Variants in SNTB1 observed in about 807,000 individuals in gnomAD.
The protein encoded by SNTB1 is beta-1-syntrophin.
A neutral mutation model predicts 48.9 loss-of-function variants in SNTB1; 36 were observed. The observed-to-expected ratio is 0.74, with a 90% CI of 0.56 to 0.97. The LOEUF is 0.97. Ranked by LOEUF, SNTB1 falls within the 50% of genes least tolerant of loss-of-function variation. The pLI is 0.00. For missense variants in SNTB1, 786 were observed against 703.4 expected, an observed-to-expected ratio of 1.12 and a Z score of -1.33; for synonymous variants, 299 against 294.6, an observed-to-expected ratio of 1.01 and a Z score of -0.15.
chr8:120,575,952 T>C lies in SNTB1; in HGVS notation c.997-727A>G, dbSNP rs184413250. 8.7e-4 allele frequency among the ~76,000 whole-genome samples: 132 copies of C among 152,314 alleles called. 1 individual carries two copies. Among genetic ancestry groups the C allele is most frequent in the African/African-American group, 3.1e-3 (130 of 41,572 alleles). The stretch of plus-strand genomic sequence containing the variant: ...ATGAGCCATCCCCTTGGCCTGGTGT[T>C]TGCCCTTCCCAAACTTCCTATATGT... On this transcript the variant is annotated intron_variant, in intron 3 of 6. Transcript: ENST00000517992.
intron 1 of SNTB1, among the ~76,000 whole-genome samples, chr8:120,785,811 G>A (rs1465979860): frequency 1.3e-5 from 2 of 152,276 alleles, no homozygotes; most frequent in African/African-American, 4.8e-5. Flanking sequence ...CTCCTGGCTG[G>A]AAGCCAGCCA....
At chr8:120,582,948 CAG>C (rs1554646088) in intron 3 of SNTB1, among the ~76,000 whole-genome samples, 84 of 152,012 alleles carry the variant, frequency 5.5e-4, no homozygotes, top group African/African-American at 1.8e-3. Context: ...AAAAATGAAA[CAG>C]GGGACATCAC....
intron 5 of SNTB1, among the ~76,000 whole-genome samples, chr8:120,543,425 C>T (rs1054519019): frequency 3.3e-5 from 5 of 152,292 alleles, no homozygotes; most frequent in African/African-American, 1.2e-4. Context: ...ATCATTTACT[C>T]CACTCAGCTT....
At chr8:120,570,664 T>TGGTAACTTGTG (rs1018032032) in intron 4 of SNTB1, 3 of 152,412 alleles carry the variant, frequency 2.0e-5, no homozygotes, top group African/African-American at 7.2e-5. Flanking sequence ...ACGTTGTAAG[T>TGGTAACTTGTG]GGTAACTTGT....
intron 5 of SNTB1, among the ~76,000 whole-genome samples, chr8:120,545,696 G>A (rs1815369719): frequency 6.6e-6 from 1 of 152,218 alleles, no homozygotes; most frequent in Non-Finnish European, 1.5e-5. Flanking sequence ...GATCTGTACT[G>A]TCCACTGCCC....
At chr8:120,650,259 A>C (rs933937229) in intron 2 of SNTB1, among the ~76,000 whole-genome samples, 1 of 152,186 alleles carries the variant, frequency 6.6e-6, no homozygotes, top group Non-Finnish European at 1.5e-5. Context: ...TGTTAGACTT[A>C]AGATAGGAGT....
intron 1 of SNTB1, among the ~76,000 whole-genome samples, chr8:120,707,925 G>A (rs980334640): frequency 2.6e-5 from 4 of 151,912 alleles, no homozygotes; most frequent in African/African-American, 9.7e-5. Context: ...AACATACTCT[G>A]TGACAATTAC....
chr8:120,742,927 G>A (rs1315400837), intron 1 of SNTB1, among the ~76,000 whole-genome samples: 5 of 152,142 alleles, frequency 3.3e-5, no homozygotes, highest in Non-Finnish European at 4.4e-5. Flanking sequence ...CTGGGGACCA[G>A]CATAAAGCCA....
At chr8:120,652,495 G>A (rs1298506079) in intron 2 of SNTB1, among the ~76,000 whole-genome samples, 1 of 151,932 alleles carries the variant, frequency 6.6e-6, no homozygotes, top group African/African-American at 2.4e-5. Flanking sequence ...CCTTGCCATC[G>A]AGAGGGAAGG....
At chr8:120,716,102 GTCTT>G (rs1465000081) in intron 1 of SNTB1, among the ~76,000 whole-genome samples, 1 of 152,182 alleles carries the variant, frequency 6.6e-6, no homozygotes, top group Non-Finnish European at 1.5e-5. Context: ...AGAAACTCCA[GTCTT>G]TCATCCCGGT....
chr8:120,665,930 A>G (rs907646766), intron 2 of SNTB1, among the ~76,000 whole-genome samples: 5 of 152,306 alleles, frequency 3.3e-5, no homozygotes, highest in Admixed American at 2.6e-4. Flanking sequence ...CAATTCGTCT[A>G]TCTTATTGTC....
chr8:120,786,591 G>A (rs552204820), intron 1 of SNTB1, among the ~76,000 whole-genome samples: 8 of 152,056 alleles, frequency 5.3e-5, no homozygotes, highest in Admixed American at 5.2e-4. Flanking sequence ...AGGCTTGCAT[G>A]AGAGGTAGAG....
rs1019423093 is a variant in SNTB1 at position 120,537,857 on chromosome 8, T to A, written c.*1020A>T. ...ATTTGATTATAGCATTCAGTCTATA[T>A]GTAAAACCCAGCATTATCCAGAATT... On this transcript the variant is annotated 3_prime_UTR_variant, in exon 7 of 7. Transcript: ENST00000517992. 6.6e-6 allele frequency: 1 copy of A among 152,232 alleles called. No homozygotes were observed. Among genetic ancestry groups the A allele is most frequent in the Non-Finnish European group, 1.5e-5 (1 of 68,032 alleles). The allele number at this position is 152,232 out of a possible 1,614,324, so 9.4% of individuals were successfully genotyped here. A position where few individuals can be genotyped will look rare whatever the true frequency, so the allele number is the denominator to read the frequency against.
intron 2 of SNTB1, among the ~76,000 whole-genome samples, chr8:120,643,558 G>C (rs1817232665): frequency 6.6e-6 from 1 of 152,148 alleles, no homozygotes; most frequent in Non-Finnish European, 1.5e-5. Flanking sequence ...TAGAATAATA[G>C]TTTCCAACTT....
chr8:120,611,965 G>A (rs570858518), intron 3 of SNTB1, among the ~76,000 whole-genome samples: 8 of 152,056 alleles, frequency 5.3e-5, no homozygotes, highest in East Asian at 3.9e-4. Context: ...CTTCAAGATC[G>A]GCTCACATGT....
At chr8:120,788,980 T>C (rs74329410) in intron 1 of SNTB1, among the ~76,000 whole-genome samples, 2 of 152,114 alleles carry the variant, frequency 1.3e-5, no homozygotes, top group Non-Finnish European at 2.9e-5. Flanking sequence ...CAAGAGAGAC[T>C]ATATGATAGG....
chr8:120,602,694 A>C (rs892008112), intron 3 of SNTB1, among the ~76,000 whole-genome samples: 1 of 152,136 alleles, frequency 6.6e-6, no homozygotes, highest in African/African-American at 2.4e-5. Flanking sequence ...TTCTCTGGAG[A>C]ATCCTGATAC....
At chr8:120,619,205 A>G (rs4870737) in intron 3 of SNTB1, among the ~76,000 whole-genome samples, 27,045 of 152,072 alleles carry the variant, frequency 0.18, 3,338 homozygotes, top group East Asian at 0.62. Context: ...TCAATTTTAT[A>G]TAAACTTTAG....
At chr8:120,580,510 CTG>C (rs1346320968) in intron 3 of SNTB1, among the ~76,000 whole-genome samples, 1 of 152,184 alleles carries the variant, frequency 6.6e-6, no homozygotes, top group Non-Finnish European at 1.5e-5. Context: ...CCTCAAGACA[CTG>C]TTTCCCCCAG....
Sources: allele counts gnomAD v4.1 joint callset (sites outside exome capture counted in the v4.1 genomes callset), GRCh38; gene constraint gnomAD v4.1.1; transcripts MANE v1.5; gene names NCBI Gene and HGNC (gene_info 2026-07-23, HGNC 2026-07-21).